Variants in RP1 observed in about 807,000 individuals in gnomAD.
RP1 encodes the protein oxygen-regulated protein 1.
Under a neutral mutation model 14.8 loss-of-function variants are expected in RP1, and 16 were observed. That is an observed-to-expected ratio of 1.08 (90% CI 0.73 to 1.65). The LOEUF (loss-of-function observed/expected upper bound fraction) is 1.65. Ranked by LOEUF, RP1 falls within the 40% of genes most tolerant of loss-of-function variation. The pLI is 0.00. For missense variants in RP1, 2,631 were observed against 2,535.0 expected (o/e 1.04, Z -0.81); for synonymous variants, 876 against 883.6 (o/e 0.99, Z 0.15).
In RP1 at chr8:54,860,043, C is replaced by G. The variant is rs142839702; in HGVS notation, c.4069+2937C>G. The stretch of plus-strand genomic sequence containing the variant: ...ACTGCCACCACAACATCAGGGCAAT[C>G]ACTATTGCAGGCAAAGGAAGGAGAA... On this transcript the variant is annotated intron_variant, in intron 27 of 28. Coordinates refer to the RP1 transcript ENST00000637698. Among the ~76,000 whole-genome samples, 36 of 152,274 alleles carry G rather than the reference C, an allele frequency of 2.4e-4. 1 individual carries two copies. The highest frequency in any genetic ancestry group is 7.9e-4 in the African/African-American group (33 of 41,536).
chr8:54,685,055 T>C (rs561776593), intron 12 of RP1, among the ~76,000 whole-genome samples: 6 of 152,178 alleles, frequency 3.9e-5, no homozygotes, highest in African/African-American at 1.4e-4. Context: ...ACCTAGGTGA[T>C]GGGTTGATAG....
intron 25 of RP1, among the ~76,000 whole-genome samples, chr8:54,849,222 T>C (rs1031826636): frequency 1.3e-5 from 2 of 152,020 alleles, no homozygotes; most frequent in African/African-American, 2.4e-5. Context: ...TGCATTCTTA[T>C]ATAAATTAAA....
intron 1 of RP1, among the ~76,000 whole-genome samples, chr8:54,579,388 A>G (rs923504352): frequency 6.6e-6 from 1 of 152,210 alleles, no homozygotes; most frequent in Non-Finnish European, 1.5e-5. Context: ...CTGAAGGCTG[A>G]AGAGCTGGAA....
chr8:54,860,759 G>T (rs756051562), intron 27 of RP1, among the ~76,000 whole-genome samples: 1 of 152,226 alleles, frequency 6.6e-6, no homozygotes, highest in South Asian at 2.1e-4. Context: ...AGGGCCTATG[G>T]TGACAGACAC....
chr8:54,613,345 G>C (rs904977308), upstream of RP1, among the ~76,000 whole-genome samples: 1 of 152,076 alleles, frequency 6.6e-6, no homozygotes, highest in East Asian at 1.9e-4. Flanking sequence ...GGGTTCCTTG[G>C]GCCTGCCTGG....
chr8:54,579,144 T>G (rs1804724293), intron 1 of RP1, among the ~76,000 whole-genome samples: 1 of 152,196 alleles, frequency 6.6e-6, no homozygotes, highest in South Asian at 2.1e-4. Flanking sequence ...AACTCCAATC[T>G]AATCACCATA....
chr8:54,675,704 C>A (rs980145324), intron 8 of RP1, among the ~76,000 whole-genome samples: 1 of 151,904 alleles, frequency 6.6e-6, no homozygotes, highest in Non-Finnish European at 1.5e-5. Context: ...TGACTTTGGG[C>A]CAAAGCAAAA....
chr8:54,669,884 G>A (rs1328842900), intron 7 of RP1, among the ~76,000 whole-genome samples: 1 of 151,936 alleles, frequency 6.6e-6, no homozygotes, highest in South Asian at 2.1e-4. Context: ...TGGTGGGGTG[G>A]GAGGGAAGGG....
intron 1 of RP1, among the ~76,000 whole-genome samples, chr8:54,581,748 G>A (rs1199021937): frequency 6.6e-6 from 1 of 152,160 alleles, no homozygotes; most frequent in Non-Finnish European, 1.5e-5. Context: ...GCATTTCTCT[G>A]ATGGCCAGTG....
chr8:54,731,796 T>A (rs1482208450), intron 17 of RP1, among the ~76,000 whole-genome samples: 1 of 152,028 alleles, frequency 6.6e-6, no homozygotes, highest in Non-Finnish European at 1.5e-5. Flanking sequence ...GGAAAAAAAA[T>A]TCAGACTAAA....
chr8:54,569,905 G>A (rs1393575405), intron 1 of RP1, among the ~76,000 whole-genome samples: 5 of 152,222 alleles, frequency 3.3e-5, no homozygotes, highest in Non-Finnish European at 4.4e-5. Flanking sequence ...GGCTGGTGTA[G>A]GAAAGGTTCC....
intron 24 of RP1, among the ~76,000 whole-genome samples, chr8:54,791,516 A>G (rs1461438801): frequency 6.6e-6 from 1 of 152,206 alleles, no homozygotes; most frequent in East Asian, 1.9e-4. Context: ...TGTATTAAAA[A>G]TAACTAACAA....
chr8:54,735,326 G>T (rs974710832), intron 18 of RP1, among the ~76,000 whole-genome samples: 1 of 152,082 alleles, frequency 6.6e-6, no homozygotes, highest in African/African-American at 2.4e-5. Flanking sequence ...CATGTAGCTG[G>T]TTGCCTCTCC....
intron 3 of RP1, among the ~76,000 whole-genome samples, chr8:54,624,443 C>CAAAAAAAA (rs11332494): frequency 4.4e-4 from 25 of 56,584 alleles, no homozygotes; most frequent in African/African-American, 6.6e-4. Flanking sequence ...GACTCTGTCT[C>CAAAAAAAA]AAAAAAAAAA....
chr8:54,811,020 G>T (rs775482588), intron 24 of RP1, among the ~76,000 whole-genome samples: 2 of 152,236 alleles, frequency 1.3e-5, no homozygotes, highest in Non-Finnish European at 2.9e-5. Flanking sequence ...AGAGAATTAA[G>T]AGATAGCAGA....
chr8:54,843,009 C>T (rs1039485553), intron 25 of RP1, among the ~76,000 whole-genome samples: 4 of 152,190 alleles, frequency 2.6e-5, no homozygotes, highest in Non-Finnish European at 4.4e-5. Context: ...AAACTCCACT[C>T]CCCTCCCAAC....
At chr8:54,828,796 C>T (rs1290463376) in intron 24 of RP1, among the ~76,000 whole-genome samples, 10 of 151,592 alleles carry the variant, frequency 6.6e-5, no homozygotes, top group African/African-American at 7.3e-5. Context: ...GACATTATGA[C>T]GGCTACGATG....
intron 17 of RP1, among the ~76,000 whole-genome samples, chr8:54,733,125 C>T (rs1016422825): frequency 2.6e-5 from 4 of 152,158 alleles, no homozygotes; most frequent in African/African-American, 4.8e-5. Context: ...TAGGTGAACA[C>T]GGAATGCCTA....
intron 27 of RP1, among the ~76,000 whole-genome samples, chr8:54,861,307 T>C (rs1812337076): frequency 6.6e-6 from 1 of 152,244 alleles, no homozygotes; most frequent in Non-Finnish European, 1.5e-5. Context: ...AAACCTTTGC[T>C]TTAAAGAAAG....
Sources: gnomAD v4.1 joint callset for allele counts (sites outside exome capture counted in the v4.1 genomes callset) on GRCh38, gnomAD v4.1.1 for gene constraint, MANE v1.5 for transcripts, NCBI Gene and HGNC (gene_info 2026-07-23, HGNC 2026-07-21) for gene names.